Variants in DTD2 observed in about 807,000 individuals in gnomAD.
The protein encoded by DTD2 is D-tyrosyl-tRNA deacylase 2 (putative).
Under a neutral mutation model 15.5 loss-of-function variants are expected in DTD2, and 12 were observed. That is an observed-to-expected ratio of 0.77 (90% CI 0.50 to 1.25). The LOEUF is 1.25. Among genes scored for constraint, DTD2 ranks in the 50% most tolerant of loss-of-function variants. The pLI is 0.00. For missense variants in DTD2, 170 were observed against 201.1 expected (o/e 0.85, Z 0.93); for synonymous variants, 59 against 77.3 (o/e 0.76, Z 1.24).
chr14:31,446,153 T>G lies in DTD2; in HGVS notation c.*1976A>C, dbSNP rs532955371. ...AGTTATTGATTCTCTGGTTCCAAAA[T>G]AGAACAGTACAGGAAGGGTATAGAG... is the stretch of plus-strand genomic sequence containing the variant. On this transcript the variant is annotated 3_prime_UTR_variant, in exon 3 of 3. Coordinates refer to ENST00000310850, the MANE Select transcript of DTD2 (RefSeq NM_080664.3). 6.6e-6 allele frequency: 1 copy of G among 152,082 alleles called. No homozygotes were observed. The highest frequency in any genetic ancestry group is 1.5e-5 in the Non-Finnish European group (1 of 67,990). The allele number at this position is 152,082 out of a possible 1,614,324, so 9.4% of individuals were successfully genotyped here.
rs952887831 is a variant in DTD2, at chr14:31,457,281, A to G, written c.111+2T>C. The G allele has an allele frequency of 4.5e-6, 7 of 1,571,028 alleles. No individual in the cohort carries two copies. Among genetic ancestry groups the G allele is most frequent in the Non-Finnish European group, 6.0e-6 (7 of 1,159,462 alleles). On this transcript the variant is annotated splice_donor_variant, in intron 1 of 2. Transcript: ENST00000310850. LOFTEE classifies it high-confidence loss of function. Reference sequence around the variant, plus strand: ...TAACGAGAGCTGCCGGGCTGACGTTACCTCCACCCACTGGGCCGCGACGTC... The same window carrying G: ...TAACGAGAGCTGCCGGGCTGACGTTGCCTCCACCCACTGGGCCGCGACGTC...
At chr14:31,456,858 CCAAGTCAA>C (rs2032099609) in intron 1 of DTD2, among the ~76,000 whole-genome samples, 1 of 152,014 alleles carries the variant, frequency 6.6e-6, no homozygotes, top group Non-Finnish European at 1.5e-5. Context: ...TATGCTAAGA[CCAAGTCAA>C]CATAGGGGGG....
intron 1 of DTD2, among the ~76,000 whole-genome samples, chr14:31,455,712 G>T (rs1307788941): frequency 6.6e-6 from 1 of 151,496 alleles, no homozygotes; most frequent in African/African-American, 2.4e-5. Flanking sequence ...CTCCCGAGTA[G>T]CTGGGATTAC....
intron 2 of DTD2, among the ~76,000 whole-genome samples, chr14:31,450,211 T>C (rs1425205951): frequency 6.6e-6 from 1 of 152,232 alleles, no homozygotes; most frequent in Non-Finnish European, 1.5e-5. Flanking sequence ...CTGGCTATAA[T>C]TGAGATTTCA....
Position 31,448,344 on chromosome 14 carries a change from T to A in DTD2, c.292A>T (p.Arg98Ter), listed in dbSNP as rs1425607153. 2.5e-6 allele frequency: 4 copies of A among 1,614,104 alleles called. No individual in the cohort carries two copies. Among genetic ancestry groups the A allele is most frequent in the Non-Finnish European group, 3.4e-6 (4 of 1,180,050 alleles). ...TATTGCATGTTTCTTCCTTTTAGTC[T>A]TCCTCCAAGGGTAGCTTGAGGGATA... is the stretch of plus-strand genomic sequence containing the variant. ...LIIPQATLGG[R>*]LKGRNMQYHS... Residue 98 changes from arginine to a stop codon, truncating the protein, a stop_gained, in exon 3 of 3, where the codon AGA (arginine) becomes TGA (stop). Transcript: ENST00000310850. LOFTEE classifies it high-confidence loss of function.
chr14:31,448,560 C>T, intron 2 of DTD2, 106 bp from the exon 3 acceptor site: 1 of 935,364 alleles, frequency 1.1e-6, no homozygotes, highest in South Asian at 1.7e-5. Context: ...AGTTTGTCAG[C>T]TCATGCCTCT....
At position 31,446,210 on chromosome 14, in the gene DTD2, G is replaced by C. The variant is rs2031956060; in HGVS notation, c.*1919C>G. 1 of 152,086 alleles carries C rather than the reference G, an allele frequency of 6.6e-6. No homozygotes were observed. Among genetic ancestry groups the C allele is most frequent in the South Asian group, 2.1e-4 (1 of 4,830 alleles). 9.4% of individuals were successfully genotyped at this position (152,086 alleles called of 1,614,324 possible). A position where few individuals can be genotyped will look rare whatever the true frequency, so the allele number is the denominator to read the frequency against. On this transcript the variant is annotated 3_prime_UTR_variant, in exon 3 of 3. Coordinates refer to ENST00000310850, the MANE Select transcript of DTD2 (RefSeq NM_080664.3). ...GGATTTTTCATGATAAAAATTTTAA[G>C]CATCTTAGGAACACAGACCTAAAGA... is the stretch of plus-strand genomic sequence containing the variant.
intron 1 of DTD2, among the ~76,000 whole-genome samples, chr14:31,454,014 G>T (rs117597569): frequency 1.6e-3 from 245 of 152,264 alleles, no homozygotes; most frequent in South Asian, 9.3e-3. Context: ...ATATTTCTTA[G>T]ATCTTGTAGG....
chr14:31,448,706 A>G (rs896936122), intron 2 of DTD2, among the ~76,000 whole-genome samples: 4 of 152,252 alleles, frequency 2.6e-5, no homozygotes, highest in Non-Finnish European at 5.9e-5. Flanking sequence ...TAACCTAACA[A>G]TAAGTTCATC....
chr14:31,450,466 TG>T (rs754020127), intron 2 of DTD2, among the ~76,000 whole-genome samples: 1 of 152,234 alleles, frequency 6.6e-6, no homozygotes, highest in Non-Finnish European at 1.5e-5. Context: ...ATGTTAACCA[TG>T]CTATTTCAGA....
intron 2 of DTD2, among the ~76,000 whole-genome samples, chr14:31,449,210 G>T (rs1405066510): frequency 6.6e-6 from 1 of 152,122 alleles, no homozygotes; most frequent in Non-Finnish European, 1.5e-5. Context: ...TCTTTATAAT[G>T]GAATATCAAA....
chr14:31,451,767 C>T (rs2139361886), intron 2 of DTD2, among the ~76,000 whole-genome samples: 1 of 152,242 alleles, frequency 6.6e-6, no homozygotes, highest in East Asian at 1.9e-4. Context: ...ATTAATATTT[C>T]TTATTAATCC....
chr14:31,455,614 C>T (rs2032086568), intron 1 of DTD2, among the ~76,000 whole-genome samples: 1 of 149,986 alleles, frequency 6.7e-6, no homozygotes, highest in South Asian at 2.1e-4. Context: ...TGAGGTTTCA[C>T]TCTGTGGCTC....
Position 31,447,982 on chromosome 14 carries a change from G to A in DTD2, c.*147C>T. 4 of 639,984 alleles carry A rather than the reference G, an allele frequency of 6.3e-6. No homozygotes were observed. The highest frequency in any genetic ancestry group is 1.0e-5 in the Non-Finnish European group (4 of 383,404). 39.6% of individuals were successfully genotyped at this position (639,984 alleles called of 1,614,324 possible). A position where few individuals can be genotyped will look rare whatever the true frequency, so the allele number is the denominator to read the frequency against. On this transcript the variant is annotated 3_prime_UTR_variant, in exon 3 of 3. Coordinates refer to ENST00000310850, the MANE Select transcript of DTD2 (RefSeq NM_080664.3). ...GTGACTTGGCAAAGTCATCCAATTA[G>A]CAGGTGCAGAGTTATATATGAAACC...
intron 2 of DTD2, among the ~76,000 whole-genome samples, chr14:31,450,294 G>T (rs116174875): frequency 6.6e-6 from 1 of 152,162 alleles, no homozygotes; most frequent in Non-Finnish European, 1.5e-5. Context: ...GAATTAAAAC[G>T]AGACAATGAA....
At chr14:31,453,478 G>T in intron 1 of DTD2, 134 bp from the exon 2 acceptor site, 3 of 668,192 alleles carry the variant, frequency 4.5e-6, no homozygotes, top group South Asian at 3.2e-5. Context: ...CTTTACAAAA[G>T]ATTTCTCATG....
chr14:31,449,447 T>C, intron 2 of DTD2, among the ~76,000 whole-genome samples: 2 of 152,200 alleles, frequency 1.3e-5, no homozygotes, highest in South Asian at 4.1e-4. Flanking sequence ...AAAAAGTAAA[T>C]AAAAAGATAT....
intron 1 of DTD2, 70 bp from the exon 2 acceptor site, chr14:31,453,414 A>G: frequency 7.6e-7 from 1 of 1,321,808 alleles, no homozygotes; most frequent in Non-Finnish European, 1.1e-6. Flanking sequence ...AAATGGGTAC[A>G]GTTTCACAAC....
At position 31,457,431 on chromosome 14, in the gene DTD2, CAT is replaced by C. The variant is rs888684009; in HGVS notation, c.-40_-39del. The stretch of plus-strand genomic sequence containing the variant: ...CGCCGCGGCCGGACAGTTACTAGGC[CAT>C]GTGTCGCTGGCCCCTCCCTCGACGC... On this transcript the variant is annotated 5_prime_UTR_variant, in exon 1 of 3. The change abolishes an upstream ATG in the 5' untranslated region. Transcript: ENST00000310850. The C allele has an allele frequency of 2.9e-6, 4 of 1,402,284 alleles. No individual in the cohort carries two copies. The African/African-American group carries it at 6.0e-5, about 21-fold the overall frequency. 86.9% of individuals were successfully genotyped at this position (1,402,284 alleles called of 1,614,324 possible).
Sources: gnomAD v4.1 joint callset for allele counts (sites outside exome capture counted in the v4.1 genomes callset) on GRCh38, gnomAD v4.1.1 for gene constraint, MANE v1.5 for transcripts, NCBI Gene and HGNC (gene_info 2026-07-23, HGNC 2026-07-21) for gene names.